Variants in ACTN1 observed in about 807,000 individuals in gnomAD.
ACTN1 encodes alpha-actinin-1.
A neutral mutation model predicts 119.6 loss-of-function variants in ACTN1; 30 were observed. The ratio of observed to expected loss-of-function variants is 0.25; its 90% CI spans 0.19 to 0.34. The LOEUF (loss-of-function observed/expected upper bound fraction) is 0.34, where lower values mean the gene tolerates loss of function less well. Among genes scored for constraint, ACTN1 ranks in the 10% least tolerant of loss-of-function variants. The probability of loss-of-function intolerance (pLI) is 1.00; values close to 1 mark genes in which losing one functional copy is unlikely to be tolerated. For missense variants in ACTN1, 764 were observed against 1,223.4 expected, an observed-to-expected ratio of 0.62 and a Z score of 5.60; for synonymous variants, 429 against 472.6, an observed-to-expected ratio of 0.91 and a Z score of 1.20.
At position 68,915,072 on chromosome 14, in the gene ACTN1, C is replaced by T. The variant is rs536057451; in HGVS notation, c.341-2830G>A. On this transcript the variant is annotated intron_variant, in intron 3 of 21. Transcript: ENST00000394419. ...TGCTGCAAGGCTATTTATCACACCC[C>T]GTACTTAGAAACCTCGCAAAGGTAC... 3.3e-5 allele frequency among the ~76,000 whole-genome samples: 5 copies of T among 152,282 alleles called. 1 individual carries two copies. In the South Asian group the frequency reaches 8.3e-4, roughly 25 times the overall value.
chr14:68,880,759 AGCAGAAGGG>A lies in ACTN1; in HGVS notation c.2133+42_2133+50del, dbSNP rs1222669532. 3.1e-6 allele frequency: 5 copies of A among 1,588,228 alleles called. No homozygotes were observed. Among genetic ancestry groups the A allele is most frequent in the Non-Finnish European group, 4.3e-6 (5 of 1,161,262 alleles). On this transcript the variant is annotated intron_variant, in intron 17 of 21. Coordinates refer to ENST00000394419, the MANE Select transcript of ACTN1 (RefSeq NM_001130004.2). This position sits in a 1 kb window ranked among gnomAD's most constrained non-coding sequence, Gnocchi z 4.6. The stretch of plus-strand genomic sequence containing the variant: ...GGAGACTTCCCCACCCAGGAGAAAG[AGCAGAAGGG>A]GCCACGGGCTCCCGAAGAGGAACAA...
chr14:68,950,623 A>G (rs941676773), intron 1 of ACTN1, among the ~76,000 whole-genome samples: 3 of 149,026 alleles, frequency 2.0e-5, no homozygotes, highest in Non-Finnish European at 4.4e-5. Flanking sequence ...ATGCAGTGGT[A>G]TGATCTCGGC....
At chr14:68,926,900 A>G (rs2034954471) in intron 1 of ACTN1, among the ~76,000 whole-genome samples, 1 of 152,192 alleles carries the variant, frequency 6.6e-6, no homozygotes, top group African/African-American at 2.4e-5. Flanking sequence ...TGAAGAGCCT[A>G]TGAACAAGAA....
intron 1 of ACTN1, among the ~76,000 whole-genome samples, chr14:68,939,543 C>T (rs1254814435): frequency 2.0e-5 from 3 of 152,314 alleles, no homozygotes; most frequent in African/African-American, 4.8e-5. Context: ...CTACCAGACG[C>T]AGACCAAGCA....
At position 68,879,362 on chromosome 14, in the gene ACTN1, C is replaced by CA. The variant is rs1210170426; in HGVS notation, c.2281-294_2281-293insT. 1.3e-5 allele frequency among the ~76,000 whole-genome samples: 2 copies of CA among 151,976 alleles called. No individual in the cohort carries two copies. The highest frequency in any genetic ancestry group is 6.5e-5 in the Admixed American group (1 of 15,278). ...AGAAGCTCCCTCAGAAGTGACCCAGCCCCCCCGCTTCCCCAGGGGCTTCCC... is the reference window on the plus strand; with the variant it reads ...AGAAGCTCCCTCAGAAGTGACCCAGCACCCCCCGCTTCCCCAGGGGCTTCCC... On this transcript the variant is annotated intron_variant, in intron 18 of 21. Coordinates refer to ENST00000394419, the MANE Select transcript of ACTN1 (RefSeq NM_001130004.2). The surrounding 1 kb of genome is among the most constrained non-coding windows in gnomAD (Gnocchi z 4.9).
chr14:68,972,500 G>C (rs926970774), intron 1 of ACTN1, among the ~76,000 whole-genome samples: 1 of 152,190 alleles, frequency 6.6e-6, no homozygotes, highest in African/African-American at 2.4e-5. Flanking sequence ...TTTAAAAATT[G>C]AGATAAAATT....
Position 68,880,488 on chromosome 14 carries a change from G to A in ACTN1, c.2133+322C>T, listed in dbSNP as rs1267210447. Among the ~76,000 whole-genome samples the A allele has an allele frequency of 6.6e-6, 1 of 151,758 alleles. No individual in the cohort carries two copies. Among genetic ancestry groups the A allele is most frequent in the Non-Finnish European group, 1.5e-5 (1 of 67,958 alleles). On this transcript the variant is annotated intron_variant, in intron 17 of 21. Coordinates refer to ENST00000394419, the MANE Select transcript of ACTN1 (RefSeq NM_001130004.2). The surrounding 1 kb of genome is among the most constrained non-coding windows in gnomAD (Gnocchi z 4.6). ...ATACACACACACACACTCTTGCACA[G>A]TTAAAACAAGTAGCCATTTTCAAAG...
intron 10 of ACTN1, 25 bp downstream of exon 10, chr14:68,892,028 G>A (rs780665873): frequency 1.2e-6 from 2 of 1,610,108 alleles, no homozygotes; most frequent in South Asian, 1.1e-5. Context: ...CAGTCTGGGG[G>A]CCCAGGCTCA....
intron 1 of ACTN1, among the ~76,000 whole-genome samples, chr14:68,930,837 A>C (rs983271350): frequency 6.6e-6 from 1 of 152,220 alleles, no homozygotes; most frequent in African/African-American, 2.4e-5. Flanking sequence ...ATCTATTGTT[A>C]CTATTGCCAC....
intron 4 of ACTN1, 79 bp downstream of exon 4, chr14:68,912,077 G>A (rs528623696): frequency 8.8e-6 from 12 of 1,365,046 alleles, no homozygotes; most frequent in South Asian, 2.4e-5. Flanking sequence ...CCGTTGCCCT[G>A]GGTATGGGAG....
chr14:68,929,213 T>C (rs1243228424), intron 1 of ACTN1, among the ~76,000 whole-genome samples: 2 of 152,028 alleles, frequency 1.3e-5, no homozygotes, highest in African/African-American at 4.8e-5. Context: ...TACAACTATA[T>C]CCTCCCCTCC....
At chr14:68,978,868 C>A in intron 1 of ACTN1, 84 bp downstream of exon 1, 1 of 982,038 alleles carries the variant, frequency 1.0e-6, no homozygotes, top group African/African-American at 1.7e-5. Flanking sequence ...GTTCAGAGCC[C>A]GGAGCCGAGA....
intron 11 of ACTN1, among the ~76,000 whole-genome samples, chr14:68,889,456 G>T (rs1377147065): frequency 2.0e-5 from 3 of 152,214 alleles, no homozygotes; most frequent in Non-Finnish European, 2.9e-5. Flanking sequence ...CCTCAAGATA[G>T]AACCTTATTT....
At chr14:68,887,925 CTTTTG>C in intron 11 of ACTN1, 4 of 898,286 alleles carry the variant, frequency 4.5e-6, no homozygotes, top group South Asian at 3.9e-5. Flanking sequence ...CCCTTTTTCC[CTTTTG>C]TTTGCACTTT....
At chr14:68,922,711 C>T (rs1274962098) in intron 2 of ACTN1, among the ~76,000 whole-genome samples, 1 of 152,264 alleles carries the variant, frequency 6.6e-6, no homozygotes, top group African/African-American at 2.4e-5. Flanking sequence ...GGTTCTCAAA[C>T]GTCAGTCAGC....
At chr14:68,916,443 A>C (rs891757978) in intron 3 of ACTN1, among the ~76,000 whole-genome samples, 1 of 152,196 alleles carries the variant, frequency 6.6e-6, no homozygotes, top group Non-Finnish European at 1.5e-5. Context: ...CTGAATTCTC[A>C]TTCACACCAA....
chr14:68,936,295 C>T (rs990227483), intron 1 of ACTN1, among the ~76,000 whole-genome samples: 18 of 152,082 alleles, frequency 1.2e-4, no homozygotes, highest in Admixed American at 1.0e-3. Flanking sequence ...CAGCTCCTAA[C>T]CCTTCTCAGC....
intron 1 of ACTN1, among the ~76,000 whole-genome samples, chr14:68,928,976 G>GCACA (rs1459969324): frequency 1.4e-4 from 16 of 116,274 alleles, no homozygotes; most frequent in African/African-American, 4.0e-4. Context: ...ACTGTGGTGA[G>GCACA]TTCCTGGGAG....
chr14:68,975,931 C>T (rs1323732897), intron 1 of ACTN1, among the ~76,000 whole-genome samples: 1 of 152,208 alleles, frequency 6.6e-6, no homozygotes, highest in Non-Finnish European at 1.5e-5. Context: ...GGAAGCACTT[C>T]TCAATGCATC....
Sources: allele counts gnomAD v4.1 joint callset (sites outside exome capture counted in the v4.1 genomes callset), GRCh38; gene constraint gnomAD v4.1.1; non-coding constraint Gnocchi (gnomAD v3.1); transcripts MANE v1.5; gene names NCBI Gene and HGNC (gene_info 2026-07-23, HGNC 2026-07-21).